The following DTNBP1 variants were observed in gnomAD, a reference collection of about 807,000 sequenced individuals.
DTNBP1 encodes the protein dysbindin.
In DTNBP1, 35 loss-of-function variants were observed where a neutral mutation model predicts 42.8. The observed-to-expected ratio is 0.82, with a 90% confidence interval of 0.63 to 1.09. The LOEUF (loss-of-function observed/expected upper bound fraction) is 1.09, where lower values mean the gene tolerates loss of function less well. Ranked by LOEUF, DTNBP1 falls within the 50% of genes least tolerant of loss-of-function variation. The probability of loss-of-function intolerance (pLI) is 0.00; values close to 1 mark genes in which losing one functional copy is unlikely to be tolerated. For synonymous variants in DTNBP1, 171 were observed against 162.2 expected (o/e 1.05, Z -0.41); for missense variants, 457 against 424.2 (o/e 1.08, Z -0.68).
At chr6:15,619,673 A>G (rs529103808) in intron 5 of DTNBP1, among the ~76,000 whole-genome samples, 9 of 152,246 alleles carry the variant, frequency 5.9e-5, no homozygotes, top group African/African-American at 1.7e-4. Flanking sequence ...AAAAATTAAT[A>G]AAGTATGAAT....
intron 6 of DTNBP1, among the ~76,000 whole-genome samples, chr6:15,595,389 C>T (rs1293720271): frequency 6.6e-5 from 10 of 150,480 alleles, no homozygotes; most frequent in African/African-American, 2.4e-4. Flanking sequence ...CTCAGCCTCC[C>T]GAGTAGCTGG....
chr6:15,621,452 A>G (rs1055407120), intron 5 of DTNBP1, among the ~76,000 whole-genome samples: 1 of 152,030 alleles, frequency 6.6e-6, no homozygotes, highest in Non-Finnish European at 1.5e-5. Context: ...TGCCCTAGTC[A>G]CTCTTTTGTT....
chr6:15,552,924 C>A (rs749200313), intron 7 of DTNBP1, among the ~76,000 whole-genome samples: 1 of 151,856 alleles, frequency 6.6e-6, no homozygotes, highest in African/African-American at 2.4e-5. Context: ...GAGTGAACAA[C>A]GATTAATTAA....
chr6:15,579,182 G>A (rs1399923875), intron 7 of DTNBP1, among the ~76,000 whole-genome samples: 1 of 152,024 alleles, frequency 6.6e-6, no homozygotes, highest in Non-Finnish European at 1.5e-5. Context: ...AAGAAAATGT[G>A]GTATGTATAC....
chr6:15,524,009 A>G (rs1772150007), intron 9 of DTNBP1: 1 of 1,288,658 alleles, frequency 7.8e-7, no homozygotes, highest in African/African-American at 1.5e-5. Flanking sequence ...CTCAGCCCAT[A>G]TTTGCTGCAT....
At chr6:15,590,153 C>T (rs1487477764) in intron 7 of DTNBP1, among the ~76,000 whole-genome samples, 5 of 152,114 alleles carry the variant, frequency 3.3e-5, no homozygotes, top group Non-Finnish European at 5.9e-5. Context: ...AGGTTGTTCT[C>T]GAATGCCTGA....
chr6:15,627,325 T>C lies in DTNBP1; in HGVS notation c.355+18A>G, dbSNP rs780961793. 3.5e-5 allele frequency: 57 copies of C among 1,612,364 alleles called. No homozygotes were observed. Among genetic ancestry groups the C allele is most frequent in the Non-Finnish European group, 4.5e-5 (53 of 1,179,648 alleles). On this transcript the variant is annotated intron_variant, in intron 5 of 9. Transcript: ENST00000344537. Reference sequence around the variant, plus strand: ...TTTCATTCCTAAAAGTAATGTACAATGAAAACATTGGACTTACTCAGATTT... The same window carrying C: ...TTTCATTCCTAAAAGTAATGTACAACGAAAACATTGGACTTACTCAGATTT...
At chr6:15,658,912 A>G (rs953107913) in intron 1 of DTNBP1, among the ~76,000 whole-genome samples, 1 of 152,242 alleles carries the variant, frequency 6.6e-6, no homozygotes, top group Non-Finnish European at 1.5e-5. Flanking sequence ...CTGTGGCCTA[A>G]GGCTGGCCCA....
chr6:15,554,009 T>G (rs958933075), intron 7 of DTNBP1, among the ~76,000 whole-genome samples: 10 of 152,110 alleles, frequency 6.6e-5, no homozygotes, highest in Non-Finnish European at 1.0e-4. Flanking sequence ...CTATCTCAAA[T>G]AAGAAGAAGA....
intron 1 of DTNBP1, among the ~76,000 whole-genome samples, chr6:15,658,951 T>C (rs1761434929): frequency 6.6e-6 from 1 of 152,228 alleles, no homozygotes; most frequent in Admixed American, 6.5e-5. Context: ...AAGAATGTGA[T>C]GTAATCACTA....
intron 1 of DTNBP1, among the ~76,000 whole-genome samples, chr6:15,656,839 G>A (rs1018381): frequency 0.15 from 23,453 of 152,128 alleles, 2,700 homozygotes; most frequent in African/African-American, 0.32. Flanking sequence ...ATTCAACAGC[G>A]TGCGGAACCT....
chr6:15,613,422 A>G (rs1460834456), intron 6 of DTNBP1, among the ~76,000 whole-genome samples: 4 of 117,152 alleles, frequency 3.4e-5, no homozygotes, highest in Non-Finnish European at 4.9e-5. Context: ...GATGGAGTGC[A>G]GTGGCGCGAT....
chr6:15,638,336 C>T (rs1760145954), intron 3 of DTNBP1, among the ~76,000 whole-genome samples: 2 of 151,960 alleles, frequency 1.3e-5, no homozygotes, highest in Non-Finnish European at 2.9e-5. Context: ...CCACATTGGC[C>T]AGGCTGGTCT....
At position 15,607,305 on chromosome 6, in the gene DTNBP1, T is replaced by G. The variant is rs147832338; in HGVS notation, c.488+7962A>C. Among the ~76,000 whole-genome samples, 1,291 of 151,250 alleles carry G rather than the reference T, an allele frequency of 8.5e-3. 26 individuals carry two copies. Among genetic ancestry groups the G allele is most frequent in the African/African-American group, 0.03 (1,218 of 41,118 alleles). On this transcript the variant is annotated intron_variant, in intron 6 of 9. Transcript: ENST00000344537. Reference sequence around the variant, plus strand: ...TGAGCCACTGTGCCCGGCCAAAATATTTCTTTGTTTTTTTGAGACAGAGTC... The same window carrying G: ...TGAGCCACTGTGCCCGGCCAAAATAGTTCTTTGTTTTTTTGAGACAGAGTC...
chr6:15,576,126 CT>C (rs111425937), intron 7 of DTNBP1, among the ~76,000 whole-genome samples: 101 of 149,028 alleles, frequency 6.8e-4, no homozygotes, highest in Admixed American at 6.4e-3. Context: ...CTTCTTTTTC[CT>C]TTTTTTTTTG....
chr6:15,659,834 G>A (rs1761500758), intron 1 of DTNBP1, among the ~76,000 whole-genome samples: 1 of 152,052 alleles, frequency 6.6e-6, no homozygotes, highest in South Asian at 2.1e-4. Context: ...TTACAGGTGT[G>A]AGCCACCGCA....
chr6:15,608,915 T>C (rs1461127834), intron 6 of DTNBP1, among the ~76,000 whole-genome samples: 2 of 152,220 alleles, frequency 1.3e-5, no homozygotes, highest in African/African-American at 2.4e-5. Context: ...CTCCACTCAT[T>C]TTGTCGGGCA....
chr6:15,596,426 C>T (rs1476113248), intron 6 of DTNBP1, among the ~76,000 whole-genome samples: 1 of 152,202 alleles, frequency 6.6e-6, no homozygotes, highest in African/African-American at 2.4e-5. Context: ...CCCCATTACA[C>T]AATCAACACC....
At chr6:15,605,435 C>G (rs1348440194) in intron 6 of DTNBP1, among the ~76,000 whole-genome samples, 1 of 152,306 alleles carries the variant, frequency 6.6e-6, no homozygotes, top group East Asian at 1.9e-4. Flanking sequence ...CAAACCTCTT[C>G]TCACATATCT....
Sources: gnomAD v4.1 joint callset for allele counts (sites outside exome capture counted in the v4.1 genomes callset) on GRCh38, gnomAD v4.1.1 for gene constraint, MANE v1.5 for transcripts, NCBI Gene and HGNC (gene_info 2026-07-23, HGNC 2026-07-21) for gene names.